The following TTN variants were observed in gnomAD, a reference collection of about 807,000 sequenced individuals.
TTN encodes the protein connectin.
A neutral mutation model predicts 3,223.0 loss-of-function variants in TTN; 1,525 were observed. That is an observed-to-expected ratio of 0.47 (90% confidence interval 0.45 to 0.49). The LOEUF is 0.49. Ranked by LOEUF, TTN falls within the 20% of genes least tolerant of loss-of-function variation. The pLI is 0.00. For synonymous variants in TTN, 14,094 were observed against 15,161.0 expected (o/e 0.93, Z 5.17); for missense variants, 40,786 against 43,424.0 (o/e 0.94, Z 5.40).
At chr2:178,796,857 A>G (rs979369605) in intron 6 of TTN, among the ~76,000 whole-genome samples, 4 of 152,246 alleles carry the variant, frequency 2.6e-5, no homozygotes, top group African/African-American at 4.8e-5. Flanking sequence ...ACAACAAAAA[A>G]TAATCACCTG....
rs72646882 is a variant in TTN, at chr2:178,576,952, G to T, written c.69383C>A (p.Ser23128Tyr). The change falls in exon 324 of 363, where the codon TCT becomes TAT. Residue 23128 changes from serine to tyrosine, a missense_variant. Physicochemically the swap from Ser to Tyr is moderately radical, Grantham distance 144. Coordinates refer to ENST00000589042, the MANE Select transcript of TTN (RefSeq NM_001267550.2). The surrounding 1 kb of genome is among the most constrained non-coding windows in gnomAD (Gnocchi z 4.3). ...TCTGTCTACCATTTTGACAGGTTCA[G>T]ACTGTACAGGTTCTCCTTTGCCATA... Reference protein sequence around the residue: ...NHYGKGEPVQSEPVKMVDRFG... With the variant: ...NHYGKGEPVQYEPVKMVDRFG... The T allele has an allele frequency of 4.2e-4, 671 of 1,613,314 alleles. No individual in the cohort carries two copies. In the African/African-American group the frequency reaches 7.9e-3, roughly 19 times the overall value.
chr2:178,652,519 A>C lies in TTN; in HGVS notation c.39066T>G (p.Val13022=), dbSNP rs759383677. Residue 13022 remains valine (V), a synonymous_variant, in exon 202 of 363, where the codon GTT becomes GTG. Coordinates refer to ENST00000589042, the MANE Select transcript of TTN (RefSeq NM_001267550.2). Reference sequence around the variant, plus strand: ...CCGCTGGCACTTTCTTTTCAGGAACAACTTCTTTCGGAGCCTCTGGCACTT... The same window carrying C: ...CCGCTGGCACTTTCTTTTCAGGAACCACTTCTTTCGGAGCCTCTGGCACTT... ...PVKVPEAPKE[V]VPEKKVPAAP... The C allele has an allele frequency of 6.2e-7, 1 of 1,613,610 alleles. No individual in the cohort carries two copies. Among genetic ancestry groups the C allele is most frequent in the Non-Finnish European group, 8.5e-7 (1 of 1,179,646 alleles).
rs1575838768 is a variant in TTN, at chr2:178,577,845, T to G, written c.68581A>C (p.Ile22861Leu). Residue 22861 changes from isoleucine to leucine, a missense_variant, in exon 323 of 363, where the codon ATT becomes CTT. Physicochemically the swap from Ile to Leu is conservative, Grantham distance 5. Coordinates refer to ENST00000589042, the MANE Select transcript of TTN (RefSeq NM_001267550.2). ...CCGTCATATTTAGGTTCAGTCCAAA[T>G]GAGAGTCACTGAATTCCTTGTTATG... ...INITRNSVTLIWTEPKYDGGH... is the reference protein window; with the variant it reads ...INITRNSVTLLWTEPKYDGGH... The G allele has an allele frequency of 6.2e-7, 1 of 1,601,380 alleles. No individual in the cohort carries two copies. Among genetic ancestry groups the G allele is most frequent in the African/African-American group, 1.3e-5 (1 of 74,410 alleles).
rs1354998487 is a variant in TTN at position 178,776,424 on chromosome 2, G to A, written c.5440C>T (p.Gln1814Ter). The part of the protein sequence containing the change: ...SQLPEGRKGL[Q>*]RIEELERMAH... ...ATTCTCTCTAATTCTTCAATTCTCT[G>A]TAAGCCTTTCCTCCCCTCAGGCAAT... The change falls in exon 28 of 363, where the codon CAG becomes TAG. Residue 1814 changes from glutamine (Q) to a stop codon, truncating the protein, a stop_gained. Coordinates refer to ENST00000589042, the MANE Select transcript of TTN (RefSeq NM_001267550.2). LOFTEE classifies it high-confidence loss of function. 1 of 1,610,540 alleles carries A rather than the reference G, an allele frequency of 6.2e-7. No homozygotes were observed. Among genetic ancestry groups the A allele is most frequent in the African/African-American group, 1.3e-5 (1 of 74,886 alleles).
chr2:178,625,522 G>A (rs575487621), intron 240 of TTN, 126 bp from the exon 241 acceptor site: 9 of 990,244 alleles, frequency 9.1e-6, no homozygotes, highest in Non-Finnish European at 1.1e-5. Flanking sequence ...TATTTAGCAC[G>A]TATGCATTCA....
At position 178,728,197 on chromosome 2, in the gene TTN, G is replaced by T. The variant is rs1578117153; in HGVS notation, c.19627C>A (p.Leu6543Met). The change falls in exon 67 of 363, where the codon CTG (leucine) becomes ATG (methionine). Residue 6543 changes from leucine (L) to methionine (M), a missense_variant. Physicochemically the swap from Leu to Met is conservative, Grantham distance 15 (BLOSUM62 2). Coordinates refer to ENST00000589042, the MANE Select transcript of TTN (RefSeq NM_001267550.2). ...TAATTTGCAGTATCTTCTAATTCCA[G>T]ATTATTAACTTCCAGAGACACAGAT... ...ERSVSLEVNNLELEDTANYTC... is the reference protein window; with the variant it reads ...ERSVSLEVNNMELEDTANYTC... 6.2e-7 allele frequency: 1 copy of T among 1,612,746 alleles called. No individual in the cohort carries two copies.
chr2:178,563,684 T>C lies in TTN; in HGVS notation c.82448A>G (p.Lys27483Arg), dbSNP rs937111656. 4.3e-6 allele frequency: 7 copies of C among 1,613,602 alleles called. No individual in the cohort carries two copies. Among genetic ancestry groups the C allele is most frequent in the African/African-American group, 1.3e-5 (1 of 74,870 alleles). ...PSTPEVSAIT[K>R]DSMVVTWARP... ...TGCCCATGTTACTACCATAGAATCT[T>C]TGGTGATTGCTGAGACTTCAGGTGT... is the stretch of plus-strand genomic sequence containing the variant. The change falls in exon 326 of 363, where the codon AAA becomes AGA. Residue 27483 changes from lysine to arginine, a missense_variant. Lys to Arg is a conservative substitution (Grantham distance 26). Transcript: ENST00000589042. This position sits in a 1 kb window ranked among gnomAD's most constrained non-coding sequence, Gnocchi z 4.5.
Position 178,731,102 on chromosome 2 carries a change from T to A in TTN, c.17563A>T (p.Lys5855Ter), listed in dbSNP as rs779763191. Residue 5855 changes from lysine (K) to a stop codon, truncating the protein, a stop_gained, in exon 60 of 363, where the codon AAA becomes TAA. Transcript: ENST00000589042. LOFTEE classifies it high-confidence loss of function. ...AGTTCTTGGCCATCTTTAAACCATT[T>A]GGCTGTAATCTCCTTAGTCCCTGAA... ...KFSGTKEITAKWFKDGQELTL... is the reference protein window; with the variant it reads ...KFSGTKEITA 1.9e-6 allele frequency: 3 copies of A among 1,613,734 alleles called. No individual in the cohort carries two copies. The highest frequency in any genetic ancestry group is 2.2e-5 in the East Asian group (1 of 44,854).
chr2:178,636,083 C>A lies in TTN; in HGVS notation c.41488G>T (p.Val13830Phe). ...VEKPGRIVPG[V>F]IGLMRALTIN... The stretch of plus-strand genomic sequence containing the variant: ...GTCAGAGCCCGCATCAAGCCAATGA[C>A]GCCTGGCACAATTCGGCCAGGTTTC... The change falls in exon 226 of 363, where the codon GTC becomes TTC. Residue 13830 changes from valine (V) to phenylalanine (F), a missense_variant. Transcript: ENST00000589042. The surrounding 1 kb of genome is among the most constrained non-coding windows in gnomAD (Gnocchi z 4.3). 6.2e-7 allele frequency: 1 copy of A among 1,613,250 alleles called. No individual in the cohort carries two copies.
At position 178,531,841 on chromosome 2, in the gene TTN, T is replaced by G. The variant is rs201218828; in HGVS notation, c.104774A>C (p.Glu34925Ala). Residue 34925 changes from glutamate (E) to alanine (A), a missense_variant, in exon 358 of 363, where the codon GAA (glutamate) becomes GCA (alanine). Transcript: ENST00000589042. ...KAALKTQKTS[E>A]RKYEVLSQQP... ...CTGACTCAAAACTTCATACTTCCTT[T>G]CTGATGTCTTCTGAGTTTTTAAAGC... is the stretch of plus-strand genomic sequence containing the variant. 2,119 of 1,613,860 alleles carry G rather than the reference T, an allele frequency of 1.3e-3. 5 individuals carry two copies. The highest frequency in any genetic ancestry group is 1.5e-3 in the Non-Finnish European group (1,819 of 1,179,810).
At chr2:178,555,509 C>T (rs1036013281) in intron 330 of TTN, 1 of 205,936 alleles carries the variant, frequency 4.9e-6, no homozygotes, top group Non-Finnish European at 9.5e-6. Context: ...TTCTACGCAC[C>T]TCCTATTCTT....
rs1453582983 is a variant in TTN at position 178,589,595 on chromosome 2, C to T, written c.62130G>A (p.Lys20710=). The T allele has an allele frequency of 1.2e-6, 2 of 1,613,252 alleles. No individual in the cohort carries two copies. Among genetic ancestry groups the T allele is most frequent in the South Asian group, 1.1e-5 (1 of 91,054 alleles). ...NLSYHVERRL[K]GSDDWERVHK... ...GCACTCTTTCCCAGTCATCGGAGCC[C>T]TTAAGCCTTCTCTCAACATGATATG... The change falls in exon 304 of 363, where the codon AAG becomes AAA. Residue 20710 remains lysine (K), a synonymous_variant. Coordinates refer to ENST00000589042, the MANE Select transcript of TTN (RefSeq NM_001267550.2).
At chr2:178,746,891 G>C in intron 47 of TTN, 2 of 1,613,392 alleles carry the variant, frequency 1.2e-6, no homozygotes, top group South Asian at 2.2e-5. Flanking sequence ...GGCTTCATTG[G>C]GTGTACCAAA....
At position 178,720,680 on chromosome 2, in the gene TTN, G is replaced by A. The variant is rs1240225719; in HGVS notation, c.23099-17C>T. 1.3e-6 allele frequency: 2 copies of A among 1,551,010 alleles called. No homozygotes were observed. Among genetic ancestry groups the A allele is most frequent in the Non-Finnish European group, 1.7e-6 (2 of 1,156,402 alleles). ...CAGGAGGTGCTACCAGAAAAAAGGA[G>A]ATAAACAATGAGAACACTTGCTTAC... On this transcript the variant is annotated splice_polypyrimidine_tract_variant and intron_variant, in intron 79 of 362. Coordinates refer to ENST00000589042, the MANE Select transcript of TTN (RefSeq NM_001267550.2).
In TTN at chr2:178,610,312, C is replaced by G. The variant is rs1374988000; in HGVS notation, c.51214G>C (p.Glu17072Gln). The change falls in exon 271 of 363, where the codon GAA (glutamate) becomes CAA (glutamine). Residue 17072 changes from glutamate (E) to glutamine (Q), a missense_variant. Physicochemically the swap from Glu to Gln is conservative, Grantham distance 29. Coordinates refer to ENST00000589042, the MANE Select transcript of TTN (RefSeq NM_001267550.2). The stretch of plus-strand genomic sequence containing the variant: ...AGAATTGGGGTTCCACCATCAAATT[C>G]TGGAGGTTCCCAAGTTAACTTACAA... Reference protein sequence around the residue: ...SSCKLTWEPPEFDGGTPILHY... With the variant: ...SSCKLTWEPPQFDGGTPILHY... The G allele has an allele frequency of 1.2e-6, 2 of 1,612,882 alleles. No individual in the cohort carries two copies. The highest frequency in any genetic ancestry group is 8.5e-7 in the Non-Finnish European group (1 of 1,179,220).
chr2:178,640,387 A>G (rs1337906930), intron 221 of TTN, among the ~76,000 whole-genome samples, 154 bp downstream of exon 221: 2 of 151,934 alleles, frequency 1.3e-5, no homozygotes, highest in African/African-American at 2.4e-5. Flanking sequence ...TCATTAGCCA[A>G]TTGCATAGGA....
At chr2:178,784,044 G>C (rs1275802478) in intron 16 of TTN, 26 bp downstream of exon 16, 3 of 1,611,714 alleles carry the variant, frequency 1.9e-6, no homozygotes, top group African/African-American at 1.3e-5. Context: ...AGTGGACCAT[G>C]TAACAGCGGG....
At position 178,535,903 on chromosome 2, in the gene TTN, G is replaced by A. The variant is rs1363766827; in HGVS notation, c.100766-54C>T. 10 of 1,500,974 alleles carry A rather than the reference G, an allele frequency of 6.7e-6. No homozygotes were observed. The African/African-American group carries it at 1.4e-4, about 21-fold the overall frequency. The allele number at this position is 1,500,974 out of a possible 1,614,324, so 93.0% of individuals were successfully genotyped here. ...ATAATTTAGCAACATCTAACAGTAT[G>A]TGTTTAAGTGCAATAGCCTCCACCC... is the stretch of plus-strand genomic sequence containing the variant. On this transcript the variant is annotated intron_variant, in intron 357 of 362. Coordinates refer to ENST00000589042, the MANE Select transcript of TTN (RefSeq NM_001267550.2).
Position 178,619,822 on chromosome 2 carries a change from A to C in TTN, c.46495T>G (p.Phe15499Val). Residue 15499 changes from phenylalanine (F) to valine (V), a missense_variant, in exon 250 of 363, where the codon TTT becomes GTT. Phe to Val is a conservative substitution (Grantham distance 50, BLOSUM62 -1). Transcript: ENST00000589042. ...ILEAPGADVV[F>V]LAELNKDKVE... Reference sequence around the variant, plus strand: ...TTATCTTTATTGAGTTCTGCTAAAAAGACAACATCAGCACCAGGGGCTTCA... The same window carrying C: ...TTATCTTTATTGAGTTCTGCTAAAACGACAACATCAGCACCAGGGGCTTCA... 6.2e-7 allele frequency: 1 copy of C among 1,612,330 alleles called. No homozygotes were observed. The highest frequency in any genetic ancestry group is 8.5e-7 in the Non-Finnish European group (1 of 1,178,910).
Sources: allele counts gnomAD v4.1 joint callset (sites outside exome capture counted in the v4.1 genomes callset), GRCh38; gene constraint gnomAD v4.1.1; non-coding constraint Gnocchi (gnomAD v3.1); transcripts MANE v1.5; gene names NCBI Gene and HGNC (gene_info 2026-07-23, HGNC 2026-07-21).